CCDC3: variants seen among roughly 807,000 people sequenced by gnomAD.
The protein encoded by CCDC3 is coiled-coil domain-containing protein 3.
CCDC3 carries 24 observed loss-of-function variants against 21.4 expected under a neutral mutation model. The observed-to-expected ratio is 1.12, with a 90% CI of 0.81 to 1.58. CCDC3 has a LOEUF of 1.58. Ranked by LOEUF, CCDC3 falls within the 40% of genes most tolerant of loss-of-function variation. The pLI is 0.00. For missense variants in CCDC3, 425 were observed against 360.9 expected, an observed-to-expected ratio of 1.18 and a Z score of -1.44; for synonymous variants, 186 against 166.0, an observed-to-expected ratio of 1.12 and a Z score of -0.93.
rs1444060286 is a variant in CCDC3, at chr10:13,074,169, T to A, written c.-502-69A>T. The A allele has an allele frequency of 2.5e-5, 3 of 121,192 alleles. No individual in the cohort carries two copies. The South Asian group carries it at 8.3e-4, about 33-fold the overall frequency. 7.5% of individuals were successfully genotyped at this position (121,192 alleles called of 1,614,324 possible). On this transcript the variant is annotated intron_variant, in intron 3 of 6. Transcript: ENST00000378839. ...TATATATATATTTTTTTTTTTTTTT[T>A]TTTTTGAGACAGAGTTTCACCCCTG... is the stretch of plus-strand genomic sequence containing the variant.
At chr10:13,073,363 G>C (rs1836909906) in intron 4 of CCDC3, among the ~76,000 whole-genome samples, 1 of 143,842 alleles carries the variant, frequency 7.0e-6, no homozygotes, top group Admixed American at 7.3e-5. Flanking sequence ...AGGACACTGA[G>C]CTGGAAGATG....
intron 4 of CCDC3, among the ~76,000 whole-genome samples, chr10:13,061,617 G>C (rs1391201464): frequency 6.6e-6 from 1 of 152,176 alleles, no homozygotes; most frequent in African/African-American, 2.4e-5. Context: ...AAATACATTT[G>C]AGAAATACAC....
intron 2 of CCDC3, among the ~76,000 whole-genome samples, chr10:12,959,487 A>G (rs1835146839): frequency 6.6e-6 from 1 of 152,150 alleles, no homozygotes; most frequent in African/African-American, 2.4e-5. Context: ...AAAAGTTTAG[A>G]AATATACTTC....
At chr10:12,999,337 A>G (rs1318489801) in intron 1 of CCDC3, among the ~76,000 whole-genome samples, 1 of 152,266 alleles carries the variant, frequency 6.6e-6, no homozygotes, top group East Asian at 1.9e-4. Context: ...CACTTGGTAC[A>G]AAGTAAATGC....
chr10:12,950,229 T>TCC (rs1296979579), intron 2 of CCDC3, among the ~76,000 whole-genome samples: 2 of 152,172 alleles, frequency 1.3e-5, no homozygotes, highest in Non-Finnish European at 2.9e-5. Context: ...CCCAAGGCCT[T>TCC]CCTCTGCCTG....
At chr10:12,940,396 C>G (rs574505698) in intron 2 of CCDC3, among the ~76,000 whole-genome samples, 3 of 152,200 alleles carry the variant, frequency 2.0e-5, no homozygotes, top group East Asian at 3.9e-4. Context: ...ACCTCAAAGT[C>G]TATGGCCTCT....
intron 2 of CCDC3, among the ~76,000 whole-genome samples, chr10:12,996,111 G>C (rs1184306205): frequency 6.6e-6 from 1 of 152,206 alleles, no homozygotes; most frequent in Non-Finnish European, 1.5e-5. Context: ...AATTAAGTAT[G>C]ACTCGGGCTT....
chr10:13,020,402 G>T (rs891664397), intron 5 of CCDC3, among the ~76,000 whole-genome samples: 2 of 152,108 alleles, frequency 1.3e-5, no homozygotes, highest in African/African-American at 4.8e-5. Flanking sequence ...TCACACAGAG[G>T]GTTGTGCTAT....
At chr10:12,976,763 G>A (rs1017490475) in intron 2 of CCDC3, among the ~76,000 whole-genome samples, 1 of 152,178 alleles carries the variant, frequency 6.6e-6, no homozygotes, top group South Asian at 2.1e-4. Flanking sequence ...GGCTCTGTCC[G>A]ATACTACAGT....
At chr10:13,003,152 C>T (rs1295506194), upstream of CCDC3, among the ~76,000 whole-genome samples, 2 of 152,080 alleles carry the variant, frequency 1.3e-5, no homozygotes, top group Non-Finnish European at 2.9e-5. Context: ...AGCAGGGATC[C>T]CAAATGGTTT....
intron 3 of CCDC3, among the ~76,000 whole-genome samples, chr10:13,086,735 C>T (rs60634123): frequency 0.33 from 49,465 of 152,082 alleles, 8,204 homozygotes; most frequent in African/African-American, 0.39. Context: ...CATGAGCCCC[C>T]GCGCCCGGCC....
At position 13,017,466 on chromosome 10, in the gene CCDC3, G is replaced by A. The variant is rs188426693; in HGVS notation, c.-1-18954C>T. On this transcript the variant is annotated intron_variant, in intron 5 of 6. Coordinates refer to the CCDC3 transcript ENST00000378839. Reference sequence around the variant, plus strand: ...CGGGAGGTGGAGGTTGCAGTGAGTTGAGACTGCGCCACTGCACTCATGCCT... The same window carrying A: ...CGGGAGGTGGAGGTTGCAGTGAGTTAAGACTGCGCCACTGCACTCATGCCT... Among the ~76,000 whole-genome samples the A allele has an allele frequency of 2.8e-3, 411 of 146,964 alleles. 4 individuals carry two copies. Among genetic ancestry groups the A allele is most frequent in the African/African-American group, 9.9e-3 (397 of 39,908 alleles).
At chr10:13,082,231 G>A (rs1391415748) in intron 3 of CCDC3, among the ~76,000 whole-genome samples, 1 of 152,196 alleles carries the variant, frequency 6.6e-6, no homozygotes, top group Non-Finnish European at 1.5e-5. Context: ...AAGGGGGCAG[G>A]GTAAGGAGTG....
At chr10:12,904,467 T>TGAAAAAAAAAA (rs1834141262) in intron 2 of CCDC3, among the ~76,000 whole-genome samples, 1 of 3,340 alleles carries the variant, frequency 3.0e-4, no homozygotes, top group Non-Finnish European at 1.9e-3. Flanking sequence ...AAAGCCAGTC[T>TGAAAAAAAAAA]TAAAAAAAAA....
chr10:12,963,734 C>T (rs1835215301), intron 2 of CCDC3, among the ~76,000 whole-genome samples: 1 of 152,044 alleles, frequency 6.6e-6, no homozygotes, highest in Non-Finnish European at 1.5e-5. Context: ...CGTGCACCAC[C>T]CATGCCCAGC....
intron 2 of CCDC3, among the ~76,000 whole-genome samples, chr10:12,977,625 C>T (rs922696685): frequency 2.0e-5 from 3 of 152,198 alleles, no homozygotes; most frequent in Non-Finnish European, 4.4e-5. Context: ...CCTCACAGAG[C>T]CTTTCAATTA....
At chr10:13,048,111 T>A (rs551930916) in intron 5 of CCDC3, among the ~76,000 whole-genome samples, 1 of 152,316 alleles carries the variant, frequency 6.6e-6, no homozygotes, top group African/African-American at 2.4e-5. Flanking sequence ...TCCATAGCTA[T>A]CTTAGGAACA....
rs71924811 is a variant in CCDC3, at chr10:12,951,804, C to CAAAAAAAAAAA, written c.549+46523_549+46533dup. On this transcript the variant is annotated intron_variant, in intron 2 of 2. Coordinates refer to ENST00000378825, the MANE Select transcript of CCDC3 (RefSeq NM_031455.4). ...TGGACAACAGAGTGAGACTTCATCT[C>CAAAAAAAAAAA]AAAAAAAAAAAAAAAAAAAAAAAGT... Among the ~76,000 whole-genome samples, 26 of 60,492 alleles carry CAAAAAAAAAAA rather than the reference C, an allele frequency of 4.3e-4. 2 individuals are homozygous for CAAAAAAAAAAA. The highest frequency in any genetic ancestry group is 6.3e-4 in the African/African-American group (8 of 12,770). The allele number at this position is 60,492 out of a possible 152,430, so 39.7% of individuals were successfully genotyped here.
chr10:13,089,969 T>G (rs1444519547), intron 3 of CCDC3, among the ~76,000 whole-genome samples: 4 of 151,068 alleles, frequency 2.6e-5, no homozygotes, highest in Non-Finnish European at 4.4e-5. Context: ...TAGCCTCCAA[T>G]CTCATCCAGG....
Sources: gnomAD v4.1 joint callset for allele counts (sites outside exome capture counted in the v4.1 genomes callset) on GRCh38, gnomAD v4.1.1 for gene constraint, MANE v1.5 for transcripts, NCBI Gene and HGNC (gene_info 2026-07-23, HGNC 2026-07-21) for gene names.